EPHB2: variants seen among roughly 807,000 people sequenced by gnomAD.
EPHB2 encodes the protein EPH receptor B2.
A neutral mutation model predicts 96.4 loss-of-function variants in EPHB2; 18 were observed. That is an observed-to-expected ratio of 0.19 (90% CI 0.13 to 0.28). EPHB2 has a LOEUF of 0.28. EPHB2 is among the 10% of genes least tolerant of loss of function. The probability of loss-of-function intolerance (pLI) is 1.00; values close to 1 mark genes in which losing one functional copy is unlikely to be tolerated. For synonymous variants in EPHB2, 506 were observed against 534.1 expected, an observed-to-expected ratio of 0.95 and a Z score of 0.72; for missense variants, 989 against 1,355.4, an observed-to-expected ratio of 0.73 and a Z score of 4.25.
chr1:22,809,674 G>C (rs144256253), intron 3 of EPHB2, among the ~76,000 whole-genome samples: 568 of 152,258 alleles, frequency 3.7e-3, no homozygotes, highest in Non-Finnish European at 5.7e-3. Context: ...TTGAACCCAG[G>C]ACTGTCTAAC....
chr1:22,829,529 A>G (rs1035605888), intron 3 of EPHB2, among the ~76,000 whole-genome samples: 21 of 152,212 alleles, frequency 1.4e-4, no homozygotes, highest in African/African-American at 4.8e-4. Context: ...CTAGTGCACA[A>G]ATAGCCACAT....
chr1:22,896,561 C>T lies in EPHB2; in HGVS notation c.1765+83C>T, dbSNP rs1639570859. 2.6e-6 allele frequency: 4 copies of T among 1,557,976 alleles called. No individual in the cohort carries two copies. In the South Asian group the frequency reaches 4.5e-5, roughly 17 times the overall value. The stretch of plus-strand genomic sequence containing the variant: ...TGACCTCTTAAGCCATCTTTGACCT[C>T]CTTCTGCCATGCTGCAGGCAGACAA... On this transcript the variant is annotated intron_variant, in intron 9 of 15. Coordinates refer to ENST00000374630, the MANE Select transcript of EPHB2 (RefSeq NM_017449.5).
intron 3 of EPHB2, among the ~76,000 whole-genome samples, chr1:22,828,010 C>T (rs1427357797): frequency 6.6e-6 from 1 of 152,160 alleles, no homozygotes; most frequent in Non-Finnish European, 1.5e-5. Flanking sequence ...GCCACACACT[C>T]AGAATAAGGA....
chr1:22,864,915 A>G lies in EPHB2; in HGVS notation c.1006A>G (p.Asn336Asp). Reference protein sequence around the residue: ...SAPQAVISSVNETSLMLEWTP... With the variant: ...SAPQAVISSVDETSLMLEWTP... ...GCCCCAGGCTGTGATTTCCAGTGTCAATGAGACCTCCCTCATGCTGGAGTG... is the reference window on the plus strand; with the variant it reads ...GCCCCAGGCTGTGATTTCCAGTGTCGATGAGACCTCCCTCATGCTGGAGTG... The change falls in exon 5 of 16, where the codon AAT (asparagine) becomes GAT (aspartate). Residue 336 changes from asparagine to aspartate, a missense_variant. By Grantham distance (23) the Asn-to-Asp change is conservative (BLOSUM62 1). Transcript: ENST00000374630. 1 of 1,604,044 alleles carries G rather than the reference A, an allele frequency of 6.2e-7. No individual in the cohort carries two copies. Among genetic ancestry groups the G allele is most frequent in the Non-Finnish European group, 8.5e-7 (1 of 1,176,078 alleles).
At chr1:22,743,841 C>T (rs778359068) in intron 1 of EPHB2, among the ~76,000 whole-genome samples, 60 of 152,274 alleles carry the variant, frequency 3.9e-4, no homozygotes, top group Admixed American at 2.0e-3. Flanking sequence ...TAGGCCTCCT[C>T]GGCCACCTCT....
chr1:22,775,039 T>G, intron 1 of EPHB2: 6 of 658,100 alleles, frequency 9.1e-6, no homozygotes, highest in Non-Finnish European at 1.7e-5. Context: ...CCCACTCCCC[T>G]GCTGCCCTCC....
intron 6 of EPHB2, among the ~76,000 whole-genome samples, chr1:22,890,294 G>A (rs1639349944): frequency 6.6e-6 from 1 of 152,176 alleles, no homozygotes; most frequent in Admixed American, 6.5e-5. Flanking sequence ...AGAAGGAAGA[G>A]GTGCATCTGG....
Position 22,883,522 on chromosome 1 carries a change from G to C in EPHB2, c.1428+1039G>C, listed in dbSNP as rs912526262. On this transcript the variant is annotated intron_variant, in intron 6 of 15. Transcript: ENST00000374630. ...CATCGCGGGGCTTCCATTCAGACTA[G>C]GTGTCAATGACTGACAGGGAGGCCT... is the stretch of plus-strand genomic sequence containing the variant. 5.3e-5 allele frequency among the ~76,000 whole-genome samples: 8 copies of C among 152,346 alleles called. 1 individual carries two copies. Among genetic ancestry groups the C allele is most frequent in the African/African-American group, 1.9e-4 (8 of 41,580 alleles).
intron 3 of EPHB2, among the ~76,000 whole-genome samples, chr1:22,838,395 C>CTGGAGT (rs1477056185): frequency 6.6e-6 from 1 of 152,190 alleles, no homozygotes; most frequent in Admixed American, 6.5e-5. Flanking sequence ...GTCAGAAGAC[C>CTGGAGT]CAGGGAATAG....
intron 3 of EPHB2, among the ~76,000 whole-genome samples, chr1:22,824,916 G>A (rs771077032): frequency 6.6e-6 from 1 of 152,226 alleles, no homozygotes; most frequent in Non-Finnish European, 1.5e-5. Flanking sequence ...ACAGCCCAGC[G>A]ATGGGCAGAG....
chr1:22,821,989 A>G (rs561690544), intron 3 of EPHB2, among the ~76,000 whole-genome samples: 199 of 152,316 alleles, frequency 1.3e-3, no homozygotes, highest in Admixed American at 2.8e-3. Flanking sequence ...AAAAAAACTA[A>G]GGTCCTTGGA....
intron 3 of EPHB2, among the ~76,000 whole-genome samples, chr1:22,815,810 G>T (rs1645067438): frequency 6.6e-6 from 1 of 152,304 alleles, no homozygotes; most frequent in South Asian, 2.1e-4. Context: ...GGGGTCTGGG[G>T]CTGGAAGCAT....
intron 1 of EPHB2, among the ~76,000 whole-genome samples, chr1:22,736,155 G>A (rs1156348826): frequency 1.3e-5 from 2 of 152,230 alleles, no homozygotes; most frequent in Admixed American, 1.3e-4. Flanking sequence ...GTCATAAGCA[G>A]AGTCGGGGGG....
chr1:22,738,578 A>G (rs1438556522), intron 1 of EPHB2, among the ~76,000 whole-genome samples: 1 of 152,244 alleles, frequency 6.6e-6, no homozygotes, highest in East Asian at 1.9e-4. Flanking sequence ...ATTCAGATCT[A>G]CAGATAACTT....
In EPHB2 at chr1:22,740,673, C is replaced by G. The variant is rs544464061; in HGVS notation, c.61+29630C>G. 7.9e-5 allele frequency among the ~76,000 whole-genome samples: 12 copies of G among 152,316 alleles called. No individual in the cohort carries two copies. In the South Asian group the frequency reaches 2.5e-3, roughly 32 times the overall value. On this transcript the variant is annotated intron_variant, in intron 1 of 15. Transcript: ENST00000374630. ...GTGTCTTGCCATTCCTGGAACTCAC[C>G]TGACCCTTTCAAACCTCCCTGCCTT...
intron 3 of EPHB2, among the ~76,000 whole-genome samples, chr1:22,814,359 C>T (rs531499841): frequency 6.6e-6 from 1 of 152,242 alleles, no homozygotes; most frequent in South Asian, 2.1e-4. Context: ...AGGGTGATGA[C>T]TGCCCTAATG....
At position 22,730,501 on chromosome 1, in the gene EPHB2, G is replaced by A. The variant is rs1380858889; in HGVS notation, c.61+19458G>A. On this transcript the variant is annotated intron_variant, in intron 1 of 15. Transcript: ENST00000374630. ...ACTGATGCCAGATATCTAGTGAGTAGCTTAAGTAGGGATGGTGCTAAGAAG... is the reference window on the plus strand; with the variant it reads ...ACTGATGCCAGATATCTAGTGAGTAACTTAAGTAGGGATGGTGCTAAGAAG... 2.0e-5 allele frequency among the ~76,000 whole-genome samples: 3 copies of A among 152,216 alleles called. No individual in the cohort carries two copies. The East Asian group carries it at 5.8e-4, about 29-fold the overall frequency.
chr1:22,720,362 C>T (rs989559959), intron 1 of EPHB2, among the ~76,000 whole-genome samples: 2 of 152,156 alleles, frequency 1.3e-5, no homozygotes, highest in Admixed American at 6.5e-5. Context: ...CTCAGCTGTT[C>T]AGCATGGAAA....
chr1:22,898,456 A>G (rs1639641189), intron 9 of EPHB2, among the ~76,000 whole-genome samples: 1 of 152,214 alleles, frequency 6.6e-6, no homozygotes, highest in African/African-American at 2.4e-5. Context: ...GGTTTCGGGA[A>G]CAGCAGAGGC....
Sources: allele counts gnomAD v4.1 joint callset (sites outside exome capture counted in the v4.1 genomes callset), GRCh38; gene constraint gnomAD v4.1.1; transcripts MANE v1.5; gene names NCBI Gene and HGNC (gene_info 2026-07-23, HGNC 2026-07-21).